The following CENPF variants were observed in gnomAD, a reference collection of about 807,000 sequenced individuals.
The protein encoded by CENPF is centromere protein F, also known as AH antigen.
In CENPF, 214 loss-of-function variants were observed where a neutral mutation model predicts 307.3. The observed-to-expected ratio is 0.70, with a 90% CI of 0.62 to 0.78. The LOEUF is 0.78. CENPF is among the 30% of genes least tolerant of loss of function. The pLI is 0.00. For missense variants in CENPF, 3,401 were observed against 3,483.9 expected, an observed-to-expected ratio of 0.98 and a Z score of 0.60; for synonymous variants, 1,259 against 1,270.6, an observed-to-expected ratio of 0.99 and a Z score of 0.19.
intron 17 of CENPF, among the ~76,000 whole-genome samples, chr1:214,656,447 A>ACCC (rs1658633926): frequency 6.6e-6 from 1 of 151,794 alleles, no homozygotes; most frequent in South Asian, 2.1e-4. Flanking sequence ...TTTTCATCAG[A>ACCC]TCCTCCATTG....
At chr1:214,638,224 C>T (rs1658015168) in intron 11 of CENPF, among the ~76,000 whole-genome samples, 1 of 151,998 alleles carries the variant, frequency 6.6e-6, no homozygotes, top group Non-Finnish European at 1.5e-5. Flanking sequence ...TCCCAAACGC[C>T]TGATGCTCAG....
intron 17 of CENPF, 124 bp from the exon 18 acceptor site, chr1:214,656,809 C>T: frequency 1.6e-6 from 1 of 639,238 alleles, no homozygotes; most frequent in Non-Finnish European, 2.6e-6. Context: ...ACAGATATAT[C>T]TCCCCAACCT....
At chr1:214,661,862 G>T (rs1259322054) in intron 19 of CENPF, among the ~76,000 whole-genome samples, 1 of 151,046 alleles carries the variant, frequency 6.6e-6, no homozygotes, top group Admixed American at 6.6e-5. Context: ...AGACAATTAG[G>T]GTATGCTTGC....
Position 214,637,871 on chromosome 1 carries a change from G to T in CENPF, c.1452G>T (p.Met484Ile). The T allele has an allele frequency of 6.2e-7, 1 of 1,601,158 alleles. No individual in the cohort carries two copies. Among genetic ancestry groups the T allele is most frequent in the African/African-American group, 1.3e-5 (1 of 74,144 alleles). ...ENELRRSMEEMKKENNLLKSH... is the reference protein window; with the variant it reads ...ENELRRSMEEIKKENNLLKSH... ...AATTAAAATGTGTGTTTTAGGAAAT[G>T]AAGAAGGAAAACAACCTCCTTAAGA... Residue 484 changes from methionine (M) to isoleucine (I), a missense_variant, in exon 11 of 20, where the codon ATG becomes ATT. Met to Ile is a conservative substitution (Grantham distance 10, BLOSUM62 1). Coordinates refer to ENST00000366955, the MANE Select transcript of CENPF (RefSeq NM_016343.4).
At position 214,622,112 on chromosome 1, in the gene CENPF, G is replaced by T; in HGVS notation, c.899G>T (p.Arg300Leu). Residue 300 changes from arginine (R) to leucine (L), a missense_variant, in exon 7 of 20, where the codon CGC becomes CTC. Coordinates refer to ENST00000366955, the MANE Select transcript of CENPF (RefSeq NM_016343.4). ...LRNKINELELRLQGHEKEMKG... is the reference protein window; with the variant it reads ...LRNKINELELLLQGHEKEMKG... The stretch of plus-strand genomic sequence containing the variant: ...AACAAGATTAATGAGTTGGAACTAC[G>T]CCTGCAAGGACATGAAAAAGAAATG... 1 of 1,613,984 alleles carries T rather than the reference G, an allele frequency of 6.2e-7. No individual in the cohort carries two copies. Among genetic ancestry groups the T allele is most frequent in the Non-Finnish European group, 8.5e-7 (1 of 1,179,944 alleles).
At position 214,648,780 on chromosome 1, in the gene CENPF, C is replaced by T; in HGVS notation, c.7936C>T (p.Leu2646=). The T allele has an allele frequency of 6.2e-7, 1 of 1,613,996 alleles. No homozygotes were observed. The highest frequency in any genetic ancestry group is 8.5e-7 in the Non-Finnish European group (1 of 1,179,924). ...AGAACTCAGTGGAGAGAAAAATAGG[C>T]TAGCTGGAGAGTTGCAGTTACTGTT... The part of the protein sequence containing the change: ...QEELSGEKNR[L]AGELQLLLEE... Residue 2646 remains leucine (L), a synonymous_variant, in exon 14 of 20, where the codon CTA becomes TTA. Transcript: ENST00000366955.
intron 7 of CENPF, among the ~76,000 whole-genome samples, chr1:214,623,010 A>T (rs1190731275): frequency 1.3e-5 from 2 of 152,200 alleles, no homozygotes; most frequent in African/African-American, 2.4e-5. Context: ...CTAGGAGATC[A>T]AGACCAGCTA....
At chr1:214,628,951 T>C in intron 7 of CENPF, 95 bp from the exon 8 acceptor site, 3 of 922,726 alleles carry the variant, frequency 3.3e-6, no homozygotes, top group Non-Finnish European at 4.7e-6. Flanking sequence ...AATTGTGTGC[T>C]AAAACAATTA....
rs766958220 is a variant in CENPF, at chr1:214,614,890, A to G, written c.221A>G (p.Glu74Gly). Residue 74 changes from glutamate to glycine, a missense_variant, in exon 3 of 20, where the codon GAA becomes GGA. Transcript: ENST00000366955. Reference sequence around the variant, plus strand: ...AAAAGGGAGAATCAAAGATTGATGGAAATATGTGAAAGTCTGGAGAAAACT... The same window carrying G: ...AAAAGGGAGAATCAAAGATTGATGGGAATATGTGAAAGTCTGGAGAAAACT... Reference protein sequence around the residue: ...NLKRENQRLMEICESLEKTKQ... With the variant: ...NLKRENQRLMGICESLEKTKQ... 3 of 1,608,972 alleles carry G rather than the reference A, an allele frequency of 1.9e-6. No individual in the cohort carries two copies. Among genetic ancestry groups the G allele is most frequent in the South Asian group, 1.1e-5 (1 of 89,514 alleles).
At position 214,642,070 on chromosome 1, in the gene CENPF, T is replaced by C. The variant is rs1429187605; in HGVS notation, c.3732T>C (p.Asp1244=). Residue 1244 remains aspartate, a synonymous_variant, in exon 12 of 20, where the codon GAT becomes GAC. Coordinates refer to ENST00000366955, the MANE Select transcript of CENPF (RefSeq NM_016343.4). ...ATGAATTACAGACAATTAGAGGAGA[T>C]CTTGAAACCAGCAATTTGCAAGACA... The part of the protein sequence containing the change: ...LQHELQTIRG[D]LETSNLQDMQ... The C allele has an allele frequency of 6.2e-7, 1 of 1,610,772 alleles. No individual in the cohort carries two copies. The highest frequency in any genetic ancestry group is 8.5e-7 in the Non-Finnish European group (1 of 1,179,040).
At chr1:214,618,787 AAC>A in intron 4 of CENPF, 93 bp downstream of exon 4, 1 of 1,290,946 alleles carries the variant, frequency 7.7e-7, no homozygotes, top group Non-Finnish European at 1.1e-6. Context: ...CTTTGAATTA[AAC>A]TTTTAATGTA....
At position 214,641,825 on chromosome 1, in the gene CENPF, A is replaced by C; in HGVS notation, c.3487A>C (p.Lys1163Gln). 6.2e-7 allele frequency: 1 copy of C among 1,609,030 alleles called. No homozygotes were observed. ...NEQLMKVMKTKHECQNLESEP... is the reference protein window; with the variant it reads ...NEQLMKVMKTQHECQNLESEP... ...ACAGCTGATGAAGGTAATGAAGACT[A>C]AACATGAATGTCAAAATCTAGAATC... The change falls in exon 12 of 20, where the codon AAA becomes CAA. Residue 1163 changes from lysine (K) to glutamine (Q), a missense_variant. By Grantham distance (53) the Lys-to-Gln change is moderately conservative (BLOSUM62 1). Transcript: ENST00000366955.
chr1:214,613,299 A>C, intron 1 of CENPF: 1 of 254,676 alleles, frequency 3.9e-6, no homozygotes. Context: ...AACACCAGCT[A>C]ACTATGCCAC....
At chr1:214,622,741 A>AAAG (rs1490260915) in intron 7 of CENPF, among the ~76,000 whole-genome samples, 9 of 132,472 alleles carry the variant, frequency 6.8e-5, no homozygotes, top group African/African-American at 3.2e-4. Context: ...TTAGGGGGAA[A>AAAG]AAAGATCGTA....
chr1:214,622,031 G>C (rs773366624), intron 6 of CENPF, 48 bp from the exon 7 acceptor site: 41 of 1,411,666 alleles, frequency 2.9e-5, no homozygotes, highest in Non-Finnish European at 3.1e-5. Context: ...TGAACATTTT[G>C]GGAAAGATAT....
At chr1:214,627,618 C>T (rs1013611354) in intron 7 of CENPF, among the ~76,000 whole-genome samples, 6 of 148,248 alleles carry the variant, frequency 4.0e-5, no homozygotes, top group East Asian at 2.1e-4. Flanking sequence ...TCAGGTGATC[C>T]GCCCAACTTG....
At chr1:214,608,998 A>G (rs1449674298) in intron 1 of CENPF, among the ~76,000 whole-genome samples, 1 of 151,558 alleles carries the variant, frequency 6.6e-6, no homozygotes, top group East Asian at 1.9e-4. Flanking sequence ...TTAGGAGGCC[A>G]GGGCCCAGCC....
rs780430953 is a variant in CENPF at position 214,645,977 on chromosome 1, T to C, written c.6407T>C (p.Leu2136Pro). ...ATTGAGGCCGATGAAAAGAAGCAGC[T>C]GCACATCGCAGAGAAACTGAAAGAA... ...VRIEADEKKQ[L>P]HIAEKLKERE... is the part of the protein sequence containing the mutation. The change falls in exon 13 of 20, where the codon CTG becomes CCG. Residue 2136 changes from leucine to proline, a missense_variant. Coordinates refer to ENST00000366955, the MANE Select transcript of CENPF (RefSeq NM_016343.4). 1 of 1,614,108 alleles carries C rather than the reference T, an allele frequency of 6.2e-7. No homozygotes were observed. Among genetic ancestry groups the C allele is most frequent in the South Asian group, 1.1e-5 (1 of 91,080 alleles).
chr1:214,644,312 C>T (rs937946393), intron 12 of CENPF, among the ~76,000 whole-genome samples: 1 of 152,116 alleles, frequency 6.6e-6, no homozygotes, highest in Non-Finnish European at 1.5e-5. Context: ...GTAATTGAGC[C>T]GAAGGGTTTG....
Sources: gnomAD v4.1 joint callset for allele counts (sites outside exome capture counted in the v4.1 genomes callset) on GRCh38, gnomAD v4.1.1 for gene constraint, MANE v1.5 for transcripts, NCBI Gene and HGNC (gene_info 2026-07-23, HGNC 2026-07-21) for gene names.